OPRM1: variants seen among roughly 807,000 people sequenced by gnomAD.
OPRM1 encodes the protein mu-type opioid receptor.
A neutral mutation model predicts 31.8 loss-of-function variants in OPRM1; 27 were observed. That is an observed-to-expected ratio of 0.85 (90% CI 0.63 to 1.17). OPRM1 has a LOEUF of 1.17. Among genes scored for constraint, OPRM1 ranks in the 50% most tolerant of loss-of-function variants. The pLI is 0.00. For synonymous variants in OPRM1, 196 were observed against 189.9 expected (o/e 1.03, Z -0.26); for missense variants, 536 against 511.1 (o/e 1.05, Z -0.47).
At chr6:154,235,934 T>C (rs1780096654) in intron 3 of OPRM1, among the ~76,000 whole-genome samples, 2 of 152,198 alleles carry the variant, frequency 1.3e-5, no homozygotes, top group Non-Finnish European at 2.9e-5. Context: ...AATGGAACCC[T>C]TGTGTTCCAG....
chr6:154,203,253 T>C (rs907046987), intron 3 of OPRM1, among the ~76,000 whole-genome samples: 1 of 152,084 alleles, frequency 6.6e-6, no homozygotes, highest in African/African-American at 2.4e-5. Flanking sequence ...GAGCCCAACC[T>C]TCGTGTGTCT....
intron 1 of OPRM1, among the ~76,000 whole-genome samples, chr6:154,027,269 G>A (rs1778749148): frequency 1.4e-5 from 2 of 144,730 alleles, no homozygotes; most frequent in Non-Finnish European, 3.0e-5. Context: ...TTACCAGGTA[G>A]AGACTCTTGT....
In OPRM1 at chr6:154,090,147, A is replaced by C; in HGVS notation, c.612A>C (p.Val204=). The C allele has an allele frequency of 6.2e-7, 1 of 1,613,654 alleles. No homozygotes were observed. Among genetic ancestry groups the C allele is most frequent in the Non-Finnish European group, 8.5e-7 (1 of 1,179,780 alleles). Residue 204 remains valine (V), a synonymous_variant, in exon 2 of 4, where the codon GTA becomes GTC. Coordinates refer to ENST00000330432, the MANE Select transcript of OPRM1 (RefSeq NM_000914.5). ...WILSSAIGLP[V]MFMATTKYRQ... Reference sequence around the variant, plus strand: ...TCTCTTCAGCCATTGGTCTTCCTGTAATGTTCATGGCTACAACAAAATACA... The same window carrying C: ...TCTCTTCAGCCATTGGTCTTCCTGTCATGTTCATGGCTACAACAAAATACA...
At chr6:154,226,135 T>C (rs1034113064) in intron 3 of OPRM1, among the ~76,000 whole-genome samples, 2 of 152,220 alleles carry the variant, frequency 1.3e-5, no homozygotes. Flanking sequence ...CACAGACTTA[T>C]TCTCTTTTTG....
chr6:154,027,457 G>A (rs933807714), intron 1 of OPRM1, among the ~76,000 whole-genome samples: 8 of 152,158 alleles, frequency 5.3e-5, no homozygotes, highest in Non-Finnish European at 1.2e-4. Context: ...TCTTACTCAA[G>A]ACCTGCTATA....
intron 3 of OPRM1, among the ~76,000 whole-genome samples, chr6:154,153,412 G>A (rs1398077870): frequency 6.6e-6 from 1 of 152,160 alleles, no homozygotes; most frequent in Non-Finnish European, 1.5e-5. Flanking sequence ...GGCCAGGACC[G>A]GTGGCTTACG....
chr6:154,053,362 T>C lies in OPRM1; in HGVS notation c.290+13528T>C, dbSNP rs555154237. On this transcript the variant is annotated intron_variant, in intron 1 of 3. Coordinates refer to ENST00000330432, the MANE Select transcript of OPRM1 (RefSeq NM_000914.5). ...CCTGCACCCACTGCATGTGACCAGA[T>C]AGTGAGTGGCAGCTTCAAACTCTAT... 3.9e-5 allele frequency among the ~76,000 whole-genome samples: 6 copies of C among 152,366 alleles called. No individual in the cohort carries two copies. In the East Asian group the frequency reaches 5.8e-4, roughly 15 times the overall value.
At chr6:154,146,199 A>T (rs1798353637) in intron 3 of OPRM1, among the ~76,000 whole-genome samples, 1 of 152,240 alleles carries the variant, frequency 6.6e-6, no homozygotes. Flanking sequence ...CAGGAGTTCA[A>T]GACCAGCCTG....
intron 3 of OPRM1, among the ~76,000 whole-genome samples, chr6:154,170,427 G>A (rs945200438): frequency 2.6e-5 from 4 of 152,160 alleles, no homozygotes; most frequent in Non-Finnish European, 2.9e-5. Flanking sequence ...ACTCCTCTAC[G>A]ATTAGAAACC....
chr6:154,235,531 C>CAAAA (rs34877577), intron 3 of OPRM1, among the ~76,000 whole-genome samples: 17 of 97,458 alleles, frequency 1.7e-4, no homozygotes, highest in African/African-American at 3.3e-4. Flanking sequence ...AACTCTGTCA[C>CAAAA]AAAAAAAAAA....
chr6:154,099,348 CGAGAGA>C lies in OPRM1; in HGVS notation c.1164+7891_1164+7896del, dbSNP rs58655710. Among the ~76,000 whole-genome samples, 14 of 125,142 alleles carry C rather than the reference CGAGAGA, an allele frequency of 1.1e-4. 1 individual carries two copies. The highest frequency in any genetic ancestry group is 9.0e-4 in the Admixed American group (10 of 11,146). 82.1% of individuals were successfully genotyped at this position (125,142 alleles called of 152,430 possible). A position where few individuals can be genotyped will look rare whatever the true frequency, so the allele number is the denominator to read the frequency against. ...GGAAGGAAGGGAGGGAGGAAGAGAG[CGAGAGA>C]GAGAGAGAGAGAGAAAGAAAGAGAA... is the stretch of plus-strand genomic sequence containing the variant. On this transcript the variant is annotated intron_variant, in intron 3 of 3. Transcript: ENST00000330432.
intron 3 of OPRM1, among the ~76,000 whole-genome samples, chr6:154,196,056 C>T (rs898200335): frequency 6.6e-6 from 1 of 152,162 alleles, no homozygotes; most frequent in Non-Finnish European, 1.5e-5. Context: ...TCACAAAGTG[C>T]TGGGATTACA....
intron 1 of OPRM1, among the ~76,000 whole-genome samples, chr6:154,048,657 C>A (rs1326922132): frequency 6.6e-6 from 1 of 152,138 alleles, no homozygotes; most frequent in East Asian, 1.9e-4. Flanking sequence ...AGTATAAAAT[C>A]TAATTTAAAT....
intron 3 of OPRM1, among the ~76,000 whole-genome samples, chr6:154,138,900 T>C (rs1244628796): frequency 6.6e-6 from 1 of 152,202 alleles, no homozygotes; most frequent in Non-Finnish European, 1.5e-5. Context: ...CTACACTTGA[T>C]GGATCAACCG....
In OPRM1 at chr6:154,129,405, C is replaced by T. The variant is rs76638317; in HGVS notation, c.*10684C>T. 4.6e-5 allele frequency among the ~76,000 whole-genome samples: 7 copies of T among 152,290 alleles called. No homozygotes were observed. Among genetic ancestry groups the T allele is most frequent in the African/African-American group, 1.7e-4 (7 of 41,556 alleles). ...GGCCCAGGCCTGGTTTCGGGCCTGG[C>T]GCTGAGCTGCCTGTATTTGGTTTTA... On this transcript the variant is annotated 3_prime_UTR_variant, in exon 4 of 4. Transcript: ENST00000330432.
chr6:154,103,011 A>G (rs938803788), intron 3 of OPRM1, among the ~76,000 whole-genome samples: 1 of 152,160 alleles, frequency 6.6e-6, no homozygotes, highest in Non-Finnish European at 1.5e-5. Context: ...TCTTTTAGAA[A>G]AAAAATGACC....
intron 1 of OPRM1, among the ~76,000 whole-genome samples, chr6:154,040,101 G>GGGGCGGA (rs1490105683): frequency 1.3e-5 from 2 of 152,156 alleles, no homozygotes; most frequent in Non-Finnish European, 2.9e-5. Context: ...CTAGGGGTGG[G>GGGGCGGA]GGGCGGAGGG....
chr6:154,140,332 ATTTT>A (rs11313350), intron 3 of OPRM1, among the ~76,000 whole-genome samples: 2 of 130,166 alleles, frequency 1.5e-5, no homozygotes, highest in East Asian at 4.2e-4. Context: ...ATGTTATTTT[ATTTT>A]TTTTTTTTTT....
intron 1 of OPRM1, among the ~76,000 whole-genome samples, chr6:154,065,307 G>A (rs1045609515): frequency 9.9e-5 from 15 of 151,848 alleles, no homozygotes; most frequent in African/African-American, 3.4e-4. Context: ...GTGCCACCAT[G>A]CCTAGCTAAT....
Sources: allele counts gnomAD v4.1 joint callset (sites outside exome capture counted in the v4.1 genomes callset), GRCh38; gene constraint gnomAD v4.1.1; transcripts MANE v1.5; gene names NCBI Gene and HGNC (gene_info 2026-07-23, HGNC 2026-07-21).